Variants in DPP10 observed in about 807,000 individuals in gnomAD.
DPP10 encodes dipeptidyl peptidase like 10.
DPP10 carries 33 observed loss-of-function variants against 120.9 expected under a neutral mutation model. That is an observed-to-expected ratio of 0.27 (90% confidence interval 0.21 to 0.37). The LOEUF (loss-of-function observed/expected upper bound fraction) is 0.37, where lower values mean the gene tolerates loss of function less well. Ranked by LOEUF, DPP10 falls within the 10% of genes least tolerant of loss-of-function variation. The pLI, the probability that DPP10 is intolerant of heterozygous loss-of-function variation, is 1.00. For synonymous variants in DPP10, 337 were observed against 326.1 expected (o/e 1.03, Z -0.36); for missense variants, 816 against 942.8 (o/e 0.87, Z 1.76).
intron 7 of DPP10, among the ~76,000 whole-genome samples, chr2:115,717,420 G>T (rs1230682340): frequency 6.6e-6 from 1 of 151,994 alleles, no homozygotes; most frequent in Non-Finnish European, 1.5e-5. Flanking sequence ...AAGAGGACAG[G>T]CTTTGGAGCC....
chr2:115,169,969 AGT>A (rs2053196330), intron 1 of DPP10, among the ~76,000 whole-genome samples: 3 of 152,172 alleles, frequency 2.0e-5, no homozygotes, highest in Non-Finnish European at 2.9e-5. Flanking sequence ...CATCTGAGAA[AGT>A]CTGCTCTGAA....
In DPP10 at chr2:115,573,578, G is replaced by A. The variant is rs531535788; in HGVS notation, c.441+47606G>A. Among the ~76,000 whole-genome samples the A allele has an allele frequency of 5.5e-4, 77 of 139,302 alleles. 1 individual carries two copies. The highest frequency in any genetic ancestry group is 1.8e-3 in the African/African-American group (67 of 37,376). The allele number at this position is 139,302 out of a possible 152,430, so 91.4% of individuals were successfully genotyped here. On this transcript the variant is annotated intron_variant, in intron 5 of 25. Transcript: ENST00000410059. ...ATTACAGGCGTGAGCCACTGCGCCC[G>A]GCCTTTTTTTTTTTTTTTTTTTTTT...
intron 5 of DPP10, among the ~76,000 whole-genome samples, chr2:115,544,017 T>C (rs1315148953): frequency 6.6e-6 from 1 of 151,372 alleles, no homozygotes; most frequent in African/African-American, 2.4e-5. Flanking sequence ...TCCCTTCCGC[T>C]GTACAGGTAA....
At chr2:115,424,696 T>G (rs1224193193) in intron 3 of DPP10, among the ~76,000 whole-genome samples, 1 of 152,096 alleles carries the variant, frequency 6.6e-6, no homozygotes, top group Non-Finnish European at 1.5e-5. Context: ...AAAATGCATA[T>G]GCACACTCAC....
In DPP10 at chr2:115,753,113, T is replaced by G; in HGVS notation, c.951-61T>G. On this transcript the variant is annotated intron_variant, in intron 10 of 25. Coordinates refer to ENST00000410059, the MANE Select transcript of DPP10 (RefSeq NM_020868.6). ...TATATATAAAATGGCAAATGTATAT[T>G]GTTGGTACTATATCAATGCTCTGGC... 5 of 1,492,448 alleles carry G rather than the reference T, an allele frequency of 3.4e-6. No homozygotes were observed. In the South Asian group the frequency reaches 6.8e-5, roughly 20 times the overall value. 92.5% of individuals were successfully genotyped at this position (1,492,448 alleles called of 1,614,324 possible). A position where few individuals can be genotyped will look rare whatever the true frequency, so the allele number is the denominator to read the frequency against.
chr2:115,176,227 G>C (rs753210954), intron 1 of DPP10, among the ~76,000 whole-genome samples: 1 of 148,354 alleles, frequency 6.7e-6, no homozygotes, highest in South Asian at 2.1e-4. Context: ...AAAATTTTGT[G>C]TCTATACTAT....
intron 1 of DPP10, among the ~76,000 whole-genome samples, chr2:114,506,687 C>A (rs937964380): frequency 6.6e-6 from 1 of 152,276 alleles, no homozygotes; most frequent in South Asian, 2.1e-4. Context: ...CGTGTCCACT[C>A]ACCTGCTCTC....
intron 1 of DPP10, among the ~76,000 whole-genome samples, chr2:115,173,105 C>G (rs971202739): frequency 3.3e-5 from 5 of 152,028 alleles, no homozygotes; most frequent in Non-Finnish European, 7.4e-5. Flanking sequence ...TTTTCCCTTC[C>G]CCATCCCCAT....
At chr2:115,627,630 A>G (rs12473701) in intron 5 of DPP10, among the ~76,000 whole-genome samples, 35,329 of 152,092 alleles carry the variant, frequency 0.23, 4,527 homozygotes, top group East Asian at 0.39. Context: ...AACCTATCAC[A>G]TAGGTATTAA....
chr2:115,524,319 C>G (rs1298598440), intron 4 of DPP10, among the ~76,000 whole-genome samples: 1 of 152,044 alleles, frequency 6.6e-6, no homozygotes, highest in African/African-American at 2.4e-5. Flanking sequence ...TGGAGAATTT[C>G]TTAGAATGAC....
intron 7 of DPP10, among the ~76,000 whole-genome samples, chr2:115,705,308 T>A (rs962316449): frequency 6.6e-6 from 1 of 152,014 alleles, no homozygotes; most frequent in Non-Finnish European, 1.5e-5. Flanking sequence ...TAAATATCTA[T>A]GCTTTTTAAT....
intron 11 of DPP10, among the ~76,000 whole-genome samples, chr2:115,758,453 A>G (rs1486545325): frequency 6.6e-6 from 1 of 152,142 alleles, no homozygotes; most frequent in Non-Finnish European, 1.5e-5. Context: ...CATTTGAAAG[A>G]CCTAAATAAA....
chr2:115,819,546 A>G (rs1217082491), intron 21 of DPP10, among the ~76,000 whole-genome samples: 1 of 150,540 alleles, frequency 6.6e-6, no homozygotes, highest in Non-Finnish European at 1.5e-5. Flanking sequence ...AGTGAACTGT[A>G]TTTTCTGGCT....
intron 3 of DPP10, among the ~76,000 whole-genome samples, chr2:115,442,427 G>A (rs751066333): frequency 6.6e-6 from 1 of 151,530 alleles, no homozygotes; most frequent in Non-Finnish European, 1.5e-5. Flanking sequence ...TGTTATTTTA[G>A]GATTGTTTCT....
chr2:115,240,371 T>A (rs1392148094), intron 1 of DPP10, among the ~76,000 whole-genome samples: 1 of 152,252 alleles, frequency 6.6e-6, no homozygotes, highest in Non-Finnish European at 1.5e-5. Context: ...GAGCTTTTTT[T>A]CATATGTTTG....
intron 1 of DPP10, among the ~76,000 whole-genome samples, chr2:115,303,176 A>G (rs2061217610): frequency 6.6e-6 from 1 of 151,908 alleles, no homozygotes; most frequent in Non-Finnish European, 1.5e-5. Context: ...TTTTTTTCAG[A>G]CATACTATTC....
At chr2:115,461,307 A>G (rs879831849) in intron 3 of DPP10, among the ~76,000 whole-genome samples, 3 of 152,080 alleles carry the variant, frequency 2.0e-5, no homozygotes, top group Non-Finnish European at 2.9e-5. Flanking sequence ...ATATGCTTGT[A>G]TATATTTGTC....
At chr2:114,782,098 C>T (rs942741634) in intron 1 of DPP10, among the ~76,000 whole-genome samples, 1 of 152,008 alleles carries the variant, frequency 6.6e-6, no homozygotes, top group Non-Finnish European at 1.5e-5. Context: ...TCAAAGTCAG[C>T]TTTTGAAGCC....
At chr2:115,224,311 G>A (rs2057326709) in intron 1 of DPP10, among the ~76,000 whole-genome samples, 1 of 152,070 alleles carries the variant, frequency 6.6e-6, no homozygotes, top group Non-Finnish European at 1.5e-5. Flanking sequence ...GAGAAAAAAG[G>A]TCATATGACC....
Sources: gnomAD v4.1 joint callset for allele counts (sites outside exome capture counted in the v4.1 genomes callset) on GRCh38, gnomAD v4.1.1 for gene constraint, MANE v1.5 for transcripts, NCBI Gene and HGNC (gene_info 2026-07-23, HGNC 2026-07-21) for gene names.